COL27A1: variants seen among roughly 807,000 people sequenced by gnomAD.
COL27A1 encodes the protein collagen type XXVII alpha 1 chain.
In COL27A1, 106 loss-of-function variants were observed where a neutral mutation model predicts 251.3. The observed-to-expected ratio is 0.42, with a 90% CI of 0.36 to 0.50. The LOEUF is 0.50. Among genes scored for constraint, COL27A1 ranks in the 20% least tolerant of loss-of-function variants. COL27A1 has a pLI of 0.00. For synonymous variants in COL27A1, 1,000 were observed against 986.3 expected (o/e 1.01, Z -0.26); for missense variants, 2,325 against 2,522.8 (o/e 0.92, Z 1.68).
chr9:114,179,869 C>T (rs1827762752), intron 4 of COL27A1, among the ~76,000 whole-genome samples: 1 of 135,542 alleles, frequency 7.4e-6, no homozygotes, highest in Non-Finnish European at 1.5e-5. Context: ...GCCAGAGTCT[C>T]GCTGTGTCTC....
At chr9:114,264,229 G>T (rs963239537) in intron 28 of COL27A1, 126 bp from the exon 29 acceptor site, 6 of 650,304 alleles carry the variant, frequency 9.2e-6, no homozygotes, top group African/African-American at 7.4e-5. Context: ...GTGGGAAGTG[G>T]GAGGAGGAGG....
chr9:114,156,079 G>A, intron 1 of COL27A1, 67 bp downstream of exon 1: 1 of 1,291,498 alleles, frequency 7.7e-7, no homozygotes, highest in Non-Finnish European at 9.8e-7. Context: ...GAGGGCCGGG[G>A]TTCCCCGCCA....
At chr9:114,192,013 T>G (rs1828783049) in intron 5 of COL27A1, among the ~76,000 whole-genome samples, 1 of 152,190 alleles carries the variant, frequency 6.6e-6, no homozygotes, top group Non-Finnish European at 1.5e-5. Flanking sequence ...TGTCTTCTGT[T>G]CAACTTGAGA....
chr9:114,212,891 T>C (rs909821465), intron 12 of COL27A1, among the ~76,000 whole-genome samples: 4 of 152,240 alleles, frequency 2.6e-5, no homozygotes, highest in African/African-American at 9.6e-5. Flanking sequence ...ATGGTTTAAG[T>C]TGCAGAGTGG....
chr9:114,209,840 C>A, intron 11 of COL27A1, 112 bp downstream of exon 11: 1 of 1,006,982 alleles, frequency 9.9e-7, no homozygotes, highest in Non-Finnish European at 1.6e-6. Context: ...GGAGGAGGTG[C>A]ACTTGAGTCG....
chr9:114,245,994 T>C (rs530331397), intron 24 of COL27A1, 84 bp downstream of exon 24: 6 of 1,175,804 alleles, frequency 5.1e-6, no homozygotes, highest in Admixed American at 4.1e-5. Flanking sequence ...GCACCCTCCA[T>C]GCACCACCTC....
At chr9:114,220,136 A>G (rs1337391291) in intron 13 of COL27A1, among the ~76,000 whole-genome samples, 1 of 152,104 alleles carries the variant, frequency 6.6e-6, no homozygotes, top group Non-Finnish European at 1.5e-5. Context: ...GTCACTCCCC[A>G]CTGGAGAGGC....
chr9:114,181,398 A>G (rs1827902955), intron 4 of COL27A1, among the ~76,000 whole-genome samples: 1 of 152,150 alleles, frequency 6.6e-6, no homozygotes, highest in African/African-American at 2.4e-5. Context: ...TTCAGGCATC[A>G]AGGAAGAGAG....
chr9:114,275,860 C>G (rs1028078429), intron 37 of COL27A1, 92 bp downstream of exon 37: 12 of 775,398 alleles, frequency 1.5e-5, no homozygotes, highest in Non-Finnish European at 2.4e-5. Flanking sequence ...GGCTTTTGGT[C>G]GTGCCACTGA....
chr9:114,298,720 A>G (rs992915676), intron 49 of COL27A1, among the ~76,000 whole-genome samples: 3 of 152,260 alleles, frequency 2.0e-5, no homozygotes, highest in Non-Finnish European at 4.4e-5. Flanking sequence ...ACACATTTTT[A>G]TAACCTTGTG....
intron 17 of COL27A1, among the ~76,000 whole-genome samples, chr9:114,236,206 CCT>C (rs1433894340): frequency 4.6e-5 from 7 of 152,134 alleles, no homozygotes; most frequent in Admixed American, 6.5e-5. Context: ...TGGCCATTTC[CCT>C]CTCTAGATGC....
intron 24 of COL27A1, among the ~76,000 whole-genome samples, chr9:114,250,322 C>T (rs2135520764): frequency 6.6e-6 from 1 of 152,362 alleles, no homozygotes; most frequent in South Asian, 2.1e-4. Context: ...CCCAGCTCTC[C>T]AAACGTGGCA....
At chr9:114,191,459 A>G (rs774199088) in intron 5 of COL27A1, among the ~76,000 whole-genome samples, 26 of 152,090 alleles carry the variant, frequency 1.7e-4, no homozygotes, top group Non-Finnish European at 3.4e-4. Context: ...TATGTTGTTC[A>G]TCCCAGTGCG....
intron 41 of COL27A1, among the ~76,000 whole-genome samples, chr9:114,287,606 A>T (rs1827595806): frequency 6.6e-6 from 1 of 152,046 alleles, no homozygotes; most frequent in Non-Finnish European, 1.5e-5. Flanking sequence ...AGCCCCTGCC[A>T]CGTGTGCAGC....
chr9:114,228,720 C>G (rs987166547), intron 14 of COL27A1, among the ~76,000 whole-genome samples: 1 of 152,222 alleles, frequency 6.6e-6, no homozygotes, highest in African/African-American at 2.4e-5. Context: ...GTGCTTAGCA[C>G]AGTGCTGGCA....
chr9:114,180,901 G>A (rs1392665599), intron 4 of COL27A1, among the ~76,000 whole-genome samples: 1 of 152,190 alleles, frequency 6.6e-6, no homozygotes, highest in African/African-American at 2.4e-5. Flanking sequence ...GAGTGCTCTG[G>A]CCCACCATCT....
intron 3 of COL27A1, among the ~76,000 whole-genome samples, chr9:114,170,780 G>A (rs189948310): frequency 3.3e-5 from 5 of 152,228 alleles, no homozygotes; most frequent in African/African-American, 4.8e-5. Context: ...TGGAAAGAAC[G>A]AGGAACCCTT....
At chr9:114,245,826 T>A (rs749280379) in intron 23 of COL27A1, 40 bp from the exon 24 acceptor site, 1 of 1,604,560 alleles carries the variant, frequency 6.2e-7, no homozygotes, top group Non-Finnish European at 8.5e-7. Flanking sequence ...TAGACTTTCA[T>A]CTCCCATCCC....
chr9:114,236,466 C>T (rs1442675475), intron 17 of COL27A1, among the ~76,000 whole-genome samples: 5 of 152,226 alleles, frequency 3.3e-5, no homozygotes, highest in Non-Finnish European at 5.9e-5. Context: ...CTTCCAGAGC[C>T]CAGCTGTGGG....
Sources: gnomAD v4.1 joint callset for allele counts (sites outside exome capture counted in the v4.1 genomes callset) on GRCh38, gnomAD v4.1.1 for gene constraint, MANE v1.5 for transcripts, NCBI Gene and HGNC (gene_info 2026-07-23, HGNC 2026-07-21) for gene names.